The following DNAAF1 variants were observed in gnomAD, a reference collection of about 807,000 sequenced individuals.
DNAAF1 encodes dynein axonemal assembly factor 1, also known as dynein assembly factor 1, axonemal.
Under a neutral mutation model 71.1 loss-of-function variants are expected in DNAAF1, and 65 were observed. The observed-to-expected ratio is 0.91, with a 90% CI of 0.75 to 1.12. The LOEUF is 1.12. DNAAF1 is among the 50% of genes most tolerant of loss of function. DNAAF1 has a pLI of 0.00. For missense variants in DNAAF1, 1,178 were observed against 899.8 expected, an observed-to-expected ratio of 1.31 and a Z score of -3.96; for synonymous variants, 414 against 354.6, an observed-to-expected ratio of 1.17 and a Z score of -1.88.
chr16:84,154,125 G>C (rs1385188301), intron 3 of DNAAF1, among the ~76,000 whole-genome samples: 1 of 152,172 alleles, frequency 6.6e-6, no homozygotes, highest in Non-Finnish European at 1.5e-5. Flanking sequence ...ATGCCAGGTA[G>C]GCAGGTGTCT....
chr16:84,159,718 C>T lies in DNAAF1; in HGVS notation c.785C>T (p.Pro262Leu). The T allele has an allele frequency of 1.9e-6, 3 of 1,614,020 alleles. No individual in the cohort carries two copies. The highest frequency in any genetic ancestry group is 1.7e-6 in the Non-Finnish European group (2 of 1,179,954). The change falls in exon 6 of 12, where the codon CCT (proline) becomes CTT (leucine). Residue 262 changes from proline to leucine, a missense_variant. By Grantham distance (98) the Pro-to-Leu change is moderately conservative (BLOSUM62 -3). Transcript: ENST00000378553. ...GGAAACCCGGTTATCAGACAGATTC[C>T]TAATTACAGAAGGACAGTCACTGTA... Reference protein sequence around the residue: ...LMGNPVIRQIPNYRRTVTVRL... With the variant: ...LMGNPVIRQILNYRRTVTVRL...
intron 4 of DNAAF1, among the ~76,000 whole-genome samples, chr16:84,155,022 C>A (rs2087350937): frequency 6.6e-6 from 1 of 151,862 alleles, no homozygotes; most frequent in Non-Finnish European, 1.5e-5. Context: ...CATTCTCCTG[C>A]CTTAGCCTCC....
intron 8 of DNAAF1, among the ~76,000 whole-genome samples, chr16:84,171,841 A>T (rs550481924): frequency 1.2e-3 from 182 of 150,830 alleles, no homozygotes; most frequent in Non-Finnish European, 2.2e-3. Context: ...CGTGTTTGTC[A>T]TGGAGGCTGG....
At chr16:84,168,682 T>A (rs979917549) in intron 7 of DNAAF1, among the ~76,000 whole-genome samples, 2 of 152,210 alleles carry the variant, frequency 1.3e-5, no homozygotes, top group East Asian at 3.8e-4. Context: ...ATTTTCTTAC[T>A]GCATATATTG....
In DNAAF1 at chr16:84,155,057, C is replaced by G. The variant is rs192877347; in HGVS notation, c.574+259C>G. On this transcript the variant is annotated intron_variant, in intron 4 of 11. Coordinates refer to ENST00000378553, the MANE Select transcript of DNAAF1 (RefSeq NM_178452.6). ...CAAAATAGCTGGGACTACAGGCACC[C>G]ACCACCACACCTGGCTAATTTTTTG... Among the ~76,000 whole-genome samples, 253 of 152,118 alleles carry G rather than the reference C, an allele frequency of 1.7e-3. 1 individual carries two copies. The highest frequency in any genetic ancestry group is 2.9e-3 in the Non-Finnish European group (195 of 67,982).
At chr16:84,175,540 C>T in intron 10 of DNAAF1, 1 of 272,862 alleles carries the variant, frequency 3.7e-6, no homozygotes, top group East Asian at 9.7e-5. Flanking sequence ...TGAGCACGAG[C>T]TCAGCAGCAA....
chr16:84,173,977 C>G (rs776083248), intron 9 of DNAAF1: 32 of 157,400 alleles, frequency 2.0e-4, no homozygotes, highest in Non-Finnish European at 4.0e-4. Context: ...ATATGGGTGA[C>G]ACCATTCTAA....
At chr16:84,165,736 G>C in intron 6 of DNAAF1, 47 bp from the exon 7 acceptor site, 1 of 1,566,414 alleles carries the variant, frequency 6.4e-7, no homozygotes, top group African/African-American at 1.4e-5. Flanking sequence ...GACAGTGTAT[G>C]TTTGGAGTTC....
intron 7 of DNAAF1, among the ~76,000 whole-genome samples, chr16:84,169,428 AT>A (rs1271043874): frequency 2.0e-5 from 3 of 147,696 alleles, no homozygotes; most frequent in Non-Finnish European, 3.0e-5. Flanking sequence ...TTTATTTATA[AT>A]TTTTTTTGGA....
chr16:84,155,806 T>G, intron 5 of DNAAF1, 57 bp downstream of exon 5: 1 of 1,593,324 alleles, frequency 6.3e-7, no homozygotes, highest in Non-Finnish European at 8.6e-7. Flanking sequence ...CTTCTATTAT[T>G]TTCATCAAAT....
At chr16:84,156,465 C>T (rs1172433107) in intron 5 of DNAAF1, among the ~76,000 whole-genome samples, 2 of 152,206 alleles carry the variant, frequency 1.3e-5, no homozygotes, top group East Asian at 3.8e-4. Context: ...CTTCCACTGC[C>T]AGCTCCTCAC....
chr16:84,152,889 G>A (rs964854718), intron 3 of DNAAF1, among the ~76,000 whole-genome samples: 6 of 151,684 alleles, frequency 4.0e-5, no homozygotes, highest in Admixed American at 3.9e-4. Context: ...CTCAGGAGGT[G>A]TAGGTTACAG....
intron 8 of DNAAF1, among the ~76,000 whole-genome samples, chr16:84,171,383 T>C (rs1477421537): frequency 6.6e-6 from 1 of 151,910 alleles, no homozygotes; most frequent in African/African-American, 2.4e-5. Context: ...GGATGGGAGG[T>C]CGAGGCTGCA....
At chr16:84,172,237 C>T in intron 8 of DNAAF1, 23 bp from the exon 9 acceptor site, 4 of 1,611,382 alleles carry the variant, frequency 2.5e-6, no homozygotes, top group Non-Finnish European at 3.4e-6. Context: ...AAACTAACTC[C>T]AAGACTTGTT....
At chr16:84,149,170 A>C (rs780493038) in intron 2 of DNAAF1, 28 bp downstream of exon 2, 1 of 1,613,718 alleles carries the variant, frequency 6.2e-7, no homozygotes, top group Non-Finnish European at 8.5e-7. Context: ...TAATTAGTGC[A>C]CATTTATGGA....
chr16:84,176,174 T>C lies in DNAAF1; in HGVS notation c.1940T>C (p.Ile647Thr). 1 of 1,614,010 alleles carries C rather than the reference T, an allele frequency of 6.2e-7. No homozygotes were observed. The highest frequency in any genetic ancestry group is 8.5e-7 in the Non-Finnish European group (1 of 1,180,018). ...KQDTKSPRPLIQELSDEDPSG... is the reference protein window; with the variant it reads ...KQDTKSPRPLTQELSDEDPSG... ...GACACCAAGTCCCCAAGACCCCTGATCCAGGAGCTCAGCGACGAGGACCCC... is the reference window on the plus strand; with the variant it reads ...GACACCAAGTCCCCAAGACCCCTGACCCAGGAGCTCAGCGACGAGGACCCC... Residue 647 changes from isoleucine to threonine, a missense_variant, in exon 11 of 12, where the codon ATC (isoleucine) becomes ACC (threonine). By Grantham distance (89) the Ile-to-Thr change is moderately conservative (BLOSUM62 -1). Coordinates refer to ENST00000378553, the MANE Select transcript of DNAAF1 (RefSeq NM_178452.6).
intron 7 of DNAAF1, among the ~76,000 whole-genome samples, chr16:84,166,580 C>T (rs192521149): frequency 1.1e-3 from 162 of 151,822 alleles, no homozygotes; most frequent in African/African-American, 3.8e-3. Flanking sequence ...ACTATGTTGC[C>T]CACGCTGGTC....
Position 84,155,695 on chromosome 16 carries a change from C to G in DNAAF1, c.687C>G (p.His229Gln), listed in dbSNP as rs1182180392. 3 of 1,614,028 alleles carry G rather than the reference C, an allele frequency of 1.9e-6. No homozygotes were observed. The highest frequency in any genetic ancestry group is 4.5e-5 in the East Asian group (2 of 44,898). Reference sequence around the variant, plus strand: ...GGCTTTGTGTCCTTGACCTTTCGCACAACAAGCTGAGTGACCCGGAGATCC... The same window carrying G: ...GGCTTTGTGTCCTTGACCTTTCGCAGAACAAGCTGAGTGACCCGGAGATCC... ...CLRLCVLDLS[H>Q]NKLSDPEILS... The change falls in exon 5 of 12, where the codon CAC becomes CAG. Residue 229 changes from histidine (H) to glutamine (Q), a missense_variant. Physicochemically the swap from His to Gln is conservative, Grantham distance 24 (BLOSUM62 0). Coordinates refer to ENST00000378553, the MANE Select transcript of DNAAF1 (RefSeq NM_178452.6).
chr16:84,154,832 C>T (rs753995691), intron 4 of DNAAF1, 34 bp downstream of exon 4: 3 of 1,514,688 alleles, frequency 2.0e-6, no homozygotes, highest in Non-Finnish European at 2.8e-6. Context: ...TGTCTGTTTG[C>T]CATATGTCCA....
Sources: allele counts gnomAD v4.1 joint callset (sites outside exome capture counted in the v4.1 genomes callset), GRCh38; gene constraint gnomAD v4.1.1; transcripts MANE v1.5; gene names NCBI Gene and HGNC (gene_info 2026-07-23, HGNC 2026-07-21).